BMP1: variants seen among roughly 807,000 people sequenced by gnomAD.
The protein encoded by BMP1 is mammalian tolloid protein.
A neutral mutation model predicts 116.8 loss-of-function variants in BMP1; 63 were observed. The ratio of observed to expected loss-of-function variants is 0.54; its 90% CI spans 0.44 to 0.67. The LOEUF (loss-of-function observed/expected upper bound fraction) is 0.67, where lower values mean the gene tolerates loss of function less well. Among genes scored for constraint, BMP1 ranks in the 30% least tolerant of loss-of-function variants. The probability of loss-of-function intolerance (pLI) is 0.00; values close to 1 mark genes in which losing one functional copy is unlikely to be tolerated. For synonymous variants in BMP1, 536 were observed against 533.4 expected (o/e 1.00, Z -0.07); for missense variants, 1,183 against 1,358.9 (o/e 0.87, Z 2.04).
At chr8:22,206,767 G>C (rs1829364847) in intron 16 of BMP1, 87 bp from the exon 17 acceptor site, 24 of 1,560,410 alleles carry the variant, frequency 1.5e-5, no homozygotes, top group South Asian at 1.1e-4. Flanking sequence ...AGAAAGGAGG[G>C]GGGGCAGGAG....
rs1343676280 is a variant in BMP1, at chr8:22,176,481, G to A, written c.434-52G>A. 1.9e-6 allele frequency: 3 copies of A among 1,591,272 alleles called. No individual in the cohort carries two copies. The African/African-American group carries it at 4.0e-5, about 21-fold the overall frequency. ...GCTGTGACTCTTCAGTGGTGGGTAG[G>A]GGGTGGGACTGCCTGGACACCGTGG... On this transcript the variant is annotated intron_variant, in intron 3 of 19. Coordinates refer to ENST00000306385, the MANE Select transcript of BMP1 (RefSeq NM_006129.5).
rs748826716 is a variant in BMP1 at position 22,196,801 on chromosome 8, C to A, written c.1887C>A (p.Ile629=). The change falls in exon 14 of 20, where the codon ATC becomes ATA. Residue 629 remains isoleucine, a synonymous_variant. Transcript: ENST00000306385. ...WQLVAPTQYR[I]SLQFDFFETE... ...TGGTGGCCCCCACCCAGTACCGCAT[C>A]TCCCTGCAGTTTGACTTCTTTGAGA... 5.0e-6 allele frequency: 8 copies of A among 1,613,978 alleles called. No homozygotes were observed. Among genetic ancestry groups the A allele is most frequent in the African/African-American group, 4.0e-5 (3 of 74,924 alleles).
At chr8:22,201,976 G>A (rs374985841) in intron 16 of BMP1, 48 bp downstream of exon 16, 14 of 1,573,178 alleles carry the variant, frequency 8.9e-6, no homozygotes, top group African/African-American at 1.3e-5. Flanking sequence ...ACCTGCTGCT[G>A]GGAGTGGAAG....
intron 8 of BMP1, among the ~76,000 whole-genome samples, chr8:22,181,409 G>C (rs572799727): frequency 8.5e-5 from 13 of 152,330 alleles, no homozygotes; most frequent in African/African-American, 2.9e-4. Flanking sequence ...GTGGCAAGTA[G>C]GGTGGACACC....
At chr8:22,171,624 C>T (rs1420018415) in intron 1 of BMP1, 1 of 152,080 alleles carries the variant, frequency 6.6e-6, no homozygotes, top group African/African-American at 2.4e-5. Context: ...TATGTATTTA[C>T]AGTAGGGGTT....
intron 6 of BMP1, among the ~76,000 whole-genome samples, chr8:22,178,936 A>G (rs1248021365): frequency 6.6e-6 from 1 of 152,116 alleles, no homozygotes; most frequent in Non-Finnish European, 1.5e-5. Flanking sequence ...GCAGGAACAG[A>G]GACCAAGGAA....
chr8:22,187,653 G>A (rs766423884), intron 8 of BMP1, among the ~76,000 whole-genome samples: 2 of 151,558 alleles, frequency 1.3e-5, no homozygotes, highest in Admixed American at 1.3e-4. Flanking sequence ...CCGGCCCCCA[G>A]CCCCTAATCT....
In BMP1 at chr8:22,209,714, G is replaced by T. The variant is rs145009422; in HGVS notation, c.2826+19G>T. 1.9e-6 allele frequency: 3 copies of T among 1,543,796 alleles called. No individual in the cohort carries two copies. The highest frequency in any genetic ancestry group is 2.6e-6 in the Non-Finnish European group (3 of 1,139,052). On this transcript the variant is annotated intron_variant, in intron 19 of 19. Coordinates refer to ENST00000306385, the MANE Select transcript of BMP1 (RefSeq NM_006129.5). Reference sequence around the variant, plus strand: ...CTCAGGGGTGAGGCCCCCACCCCTCGCCCTCCTGGCCCCATGCCCCACGCC... The same window carrying T: ...CTCAGGGGTGAGGCCCCCACCCCTCTCCCTCCTGGCCCCATGCCCCACGCC...
chr8:22,203,723 G>A (rs545014389), intron 16 of BMP1, among the ~76,000 whole-genome samples: 8 of 152,254 alleles, frequency 5.3e-5, no homozygotes, highest in South Asian at 2.1e-4. Context: ...AAACAGAACC[G>A]AAGCCCTCAA....
intron 8 of BMP1, among the ~76,000 whole-genome samples, chr8:22,190,040 C>T (rs755309702): frequency 1.4e-4 from 22 of 152,174 alleles, no homozygotes; most frequent in Non-Finnish European, 2.5e-4. Context: ...CCTGCCTCAG[C>T]CTCCTGAGTA....
intron 15 of BMP1, chr8:22,198,727 G>C: frequency 5.4e-6 from 1 of 186,914 alleles, no homozygotes; most frequent in Non-Finnish European, 1.1e-5. Flanking sequence ...TGGCTGCCCT[G>C]CACCCCTGCC....
chr8:22,193,342 A>C (rs1828987845), intron 9 of BMP1, among the ~76,000 whole-genome samples: 1 of 152,274 alleles, frequency 6.6e-6, no homozygotes, highest in Non-Finnish European at 1.5e-5. Flanking sequence ...ATGTGTAAAG[A>C]AAGCCATGTT....
intron 6 of BMP1, among the ~76,000 whole-genome samples, chr8:22,178,464 T>TG (rs1474608780): frequency 6.6e-6 from 1 of 152,014 alleles, no homozygotes; most frequent in African/African-American, 2.4e-5. Context: ...TTTTTAGAGA[T>TG]GGGGTCTCAC....
In BMP1 at chr8:22,176,657, A is replaced by C. The variant is rs934802951; in HGVS notation, c.551+7A>C. 1 of 1,613,696 alleles carries C rather than the reference A, an allele frequency of 6.2e-7. No individual in the cohort carries two copies. The highest frequency in any genetic ancestry group is 8.5e-7 in the Non-Finnish European group (1 of 1,179,616). Reference sequence around the variant, plus strand: ...TCACCTATCGACCTTGCGGGTGAGCAGGAAGCCCTAGGCGCTGTACCTTCC... The same window carrying C: ...TCACCTATCGACCTTGCGGGTGAGCCGGAAGCCCTAGGCGCTGTACCTTCC... On this transcript the variant is annotated splice_region_variant and intron_variant, in intron 4 of 19. Transcript: ENST00000306385.
intron 5 of BMP1, among the ~76,000 whole-genome samples, 183 bp downstream of exon 5, chr8:22,177,322 C>G (rs1246807806): frequency 1.3e-5 from 2 of 152,236 alleles, no homozygotes. Flanking sequence ...CGTGTCAGAT[C>G]AAGGACCCGC....
chr8:22,183,863 G>A (rs1481113022), intron 8 of BMP1, among the ~76,000 whole-genome samples: 1 of 152,054 alleles, frequency 6.6e-6, no homozygotes, highest in Non-Finnish European at 1.5e-5. Context: ...GACGTGAGCC[G>A]CCGCGCCTGG....
At chr8:22,169,050 T>C (rs1304046875) in intron 1 of BMP1, among the ~76,000 whole-genome samples, 2 of 152,058 alleles carry the variant, frequency 1.3e-5, no homozygotes, top group East Asian at 3.9e-4. Flanking sequence ...GCACCCGTAG[T>C]CCCAGCTACT....
chr8:22,207,387 C>G lies in BMP1; in HGVS notation c.2446C>G (p.Pro816Ala), dbSNP rs150161793. ...EVFDGRDAKA[P>A]VLGRFCGSKK... is the part of the protein sequence containing the mutation. ...GTTCGACGGGCGAGACGCCAAGGCC[C>G]CCGTCCTCGGCCGCTTCTGTGGGAG... The change falls in exon 18 of 20, where the codon CCC becomes GCC. Residue 816 changes from proline (P) to alanine (A), a missense_variant. Coordinates refer to ENST00000306385, the MANE Select transcript of BMP1 (RefSeq NM_006129.5). 1.8e-4 allele frequency: 288 copies of G among 1,614,092 alleles called. No homozygotes were observed. The highest frequency in any genetic ancestry group is 2.6e-4 in the South Asian group (24 of 91,094).
intron 8 of BMP1, among the ~76,000 whole-genome samples, chr8:22,186,127 C>T (rs1262339945): frequency 2.6e-5 from 4 of 152,162 alleles, no homozygotes; most frequent in Non-Finnish European, 4.4e-5. Flanking sequence ...TGAGCCACCA[C>T]GCCCGGCCCA....
Sources: gnomAD v4.1 joint callset for allele counts (sites outside exome capture counted in the v4.1 genomes callset) on GRCh38, gnomAD v4.1.1 for gene constraint, MANE v1.5 for transcripts, NCBI Gene and HGNC (gene_info 2026-07-23, HGNC 2026-07-21) for gene names.